Variants in HDAC9 observed in about 807,000 individuals in gnomAD.
The protein encoded by HDAC9 is histone deacetylase 9, also known as MEF-2 interacting transcription repressor (MITR) protein.
A neutral mutation model predicts 139.4 loss-of-function variants in HDAC9; 41 were observed. That is an observed-to-expected ratio of 0.29 (90% CI 0.23 to 0.38). HDAC9 has a LOEUF of 0.38. Ranked by LOEUF, HDAC9 falls within the 10% of genes least tolerant of loss-of-function variation. HDAC9 has a pLI of 1.00. For missense variants in HDAC9, 1,147 were observed against 1,297.0 expected, an observed-to-expected ratio of 0.88 and a Z score of 1.78; for synonymous variants, 517 against 476.2, an observed-to-expected ratio of 1.09 and a Z score of -1.12.
intron 1 of HDAC9, among the ~76,000 whole-genome samples, chr7:18,101,909 A>C (rs1782883222): frequency 6.6e-6 from 1 of 152,226 alleles, no homozygotes. Flanking sequence ...TGAATCTAGT[A>C]AATGTGAATG....
chr7:18,150,596 CA>C (rs1786706278), intron 1 of HDAC9, among the ~76,000 whole-genome samples: 1 of 152,168 alleles, frequency 6.6e-6, no homozygotes, highest in Admixed American at 6.5e-5. Context: ...GCTTTTGTCA[CA>C]AACATACCTC....
At chr7:18,581,271 G>A (rs972773905) in intron 2 of HDAC9, among the ~76,000 whole-genome samples, 1 of 152,250 alleles carries the variant, frequency 6.6e-6, no homozygotes, top group Non-Finnish European at 1.5e-5. Flanking sequence ...ATGAAAGACT[G>A]GGATCTTGCC....
intron 1 of HDAC9, among the ~76,000 whole-genome samples, chr7:18,141,014 G>A (rs1387569915): frequency 2.0e-5 from 3 of 151,662 alleles, no homozygotes; most frequent in Non-Finnish European, 4.4e-5. Flanking sequence ...GGATAAACTG[G>A]CCTCTATGAA....
chr7:18,401,917 C>T (rs1393093792), intron 1 of HDAC9, among the ~76,000 whole-genome samples: 1 of 152,156 alleles, frequency 6.6e-6, no homozygotes, highest in Non-Finnish European at 1.5e-5. Context: ...TTGATATTCT[C>T]AATCTGTTGT....
chr7:18,957,647 G>A (rs1783247281), intron 24 of HDAC9, among the ~76,000 whole-genome samples: 2 of 152,164 alleles, frequency 1.3e-5, no homozygotes, highest in African/African-American at 4.8e-5. Flanking sequence ...TAACAGCAAA[G>A]CACTGAACCA....
intron 2 of HDAC9, among the ~76,000 whole-genome samples, chr7:18,220,890 C>T (rs980675624): frequency 2.0e-5 from 3 of 152,132 alleles, no homozygotes; most frequent in Admixed American, 6.5e-5. Context: ...TTATTTCCTA[C>T]TCAAGAAGCT....
chr7:18,852,846 C>CT (rs200653040), intron 21 of HDAC9, among the ~76,000 whole-genome samples: 190 of 144,698 alleles, frequency 1.3e-3, no homozygotes, highest in South Asian at 8.6e-3. Context: ...AGTAAAGGAG[C>CT]TTTTTTTTTT....
At chr7:18,121,735 A>T (rs1307727803) in intron 1 of HDAC9, among the ~76,000 whole-genome samples, 1 of 152,214 alleles carries the variant, frequency 6.6e-6, no homozygotes, top group Non-Finnish European at 1.5e-5. Flanking sequence ...ACTGAGGCCT[A>T]AACCTTACTG....
At chr7:18,117,548 G>T (rs374268619) in intron 1 of HDAC9, among the ~76,000 whole-genome samples, 1 of 151,224 alleles carries the variant, frequency 6.6e-6, no homozygotes, top group African/African-American at 2.4e-5. Flanking sequence ...TGAGATCCCC[G>T]CAGGGAAAAC....
At chr7:18,951,763 TTA>T (rs1782813670) in intron 23 of HDAC9, among the ~76,000 whole-genome samples, 1 of 151,784 alleles carries the variant, frequency 6.6e-6, no homozygotes. Context: ...TAATATTATT[TTA>T]TTAGTTATTA....
chr7:18,977,396 G>A (rs950568002), intron 25 of HDAC9, among the ~76,000 whole-genome samples: 5 of 152,148 alleles, frequency 3.3e-5, no homozygotes, highest in African/African-American at 1.2e-4. Flanking sequence ...ATAGAAAAAC[G>A]AAGCTAAATT....
At chr7:18,891,869 G>A (rs1329171997) in intron 22 of HDAC9, among the ~76,000 whole-genome samples, 2 of 152,038 alleles carry the variant, frequency 1.3e-5, no homozygotes, top group East Asian at 3.9e-4. Flanking sequence ...TTGTATGAAT[G>A]GATTCATTCC....
intron 11 of HDAC9, among the ~76,000 whole-genome samples, chr7:18,659,974 G>A (rs1792611659): frequency 6.6e-6 from 1 of 152,106 alleles, no homozygotes; most frequent in African/African-American, 2.4e-5. Flanking sequence ...CTCAGTGACA[G>A]TACAAATTAG....
chr7:18,186,780 A>G (rs1363562604), intron 2 of HDAC9, among the ~76,000 whole-genome samples: 7 of 152,244 alleles, frequency 4.6e-5, no homozygotes, highest in Non-Finnish European at 8.8e-5. Context: ...CAAATAAGAT[A>G]ATGTACTGTA....
intron 2 of HDAC9, among the ~76,000 whole-genome samples, chr7:18,525,648 T>G (rs1268821422): frequency 1.3e-5 from 2 of 152,170 alleles, no homozygotes; most frequent in Non-Finnish European, 2.9e-5. Flanking sequence ...TACTGTATTG[T>G]GTCTTTAAAA....
intron 7 of HDAC9, among the ~76,000 whole-genome samples, chr7:18,633,518 G>T (rs534476236): frequency 6.6e-6 from 1 of 151,984 alleles, no homozygotes; most frequent in Non-Finnish European, 1.5e-5. Context: ...ATGTGTGAGC[G>T]TTAGAGAGGA....
chr7:18,136,242 A>C (rs1421832977), intron 1 of HDAC9, among the ~76,000 whole-genome samples: 1 of 149,916 alleles, frequency 6.7e-6, no homozygotes, highest in Non-Finnish European at 1.5e-5. Context: ...ATTTTCTCCC[A>C]TTTTGTAGGT....
At chr7:18,411,947 T>C (rs956137333) in intron 1 of HDAC9, among the ~76,000 whole-genome samples, 1 of 148,834 alleles carries the variant, frequency 6.7e-6, no homozygotes, top group African/African-American at 2.5e-5. Context: ...TGCCTCAGCC[T>C]CCTGAGTAGC....
chr7:18,119,439 A>G (rs1490813764), intron 1 of HDAC9, among the ~76,000 whole-genome samples: 1 of 152,206 alleles, frequency 6.6e-6, no homozygotes, highest in Admixed American at 6.5e-5. Flanking sequence ...AATGTTTGTT[A>G]TGGCACAGTA....
Sources: gnomAD v4.1 joint callset for allele counts (sites outside exome capture counted in the v4.1 genomes callset) on GRCh38, gnomAD v4.1.1 for gene constraint, MANE v1.5 for transcripts, NCBI Gene and HGNC (gene_info 2026-07-23, HGNC 2026-07-21) for gene names.